The following CLSTN1 variants were observed in gnomAD, a reference collection of about 807,000 sequenced individuals.
CLSTN1 encodes calsyntenin 1, also known as calsyntenin-1.
A neutral mutation model predicts 108.3 loss-of-function variants in CLSTN1; 28 were observed. That is an observed-to-expected ratio of 0.26 (90% CI 0.19 to 0.35). The LOEUF (loss-of-function observed/expected upper bound fraction) is 0.35. Among genes scored for constraint, CLSTN1 ranks in the 10% least tolerant of loss-of-function variants. The pLI is 1.00. For missense variants in CLSTN1, 1,157 were observed against 1,302.6 expected (o/e 0.89, Z 1.72); for synonymous variants, 524 against 534.9 (o/e 0.98, Z 0.28).
chr1:9,803,783 C>T (rs1055036331), intron 1 of CLSTN1, among the ~76,000 whole-genome samples: 5 of 151,832 alleles, frequency 3.3e-5, no homozygotes, highest in Admixed American at 2.6e-4. Context: ...GCCTGGGCAA[C>T]AGAGCAAGAC....
At position 9,751,463 on chromosome 1, in the gene CLSTN1, C is replaced by T. The variant is rs774745109; in HGVS notation, c.649+10G>A. On this transcript the variant is annotated intron_variant, in intron 5 of 18. Transcript: ENST00000377298. ...CTACCTAGCTGAAAAGCCGGCTCCTCGATTCTTACCATCTTTGTCAACAGT... is the reference window on the plus strand; with the variant it reads ...CTACCTAGCTGAAAAGCCGGCTCCTTGATTCTTACCATCTTTGTCAACAGT... 1.7e-5 allele frequency: 28 copies of T among 1,613,744 alleles called. No homozygotes were observed. Among genetic ancestry groups the T allele is most frequent in the Non-Finnish European group, 2.2e-5 (26 of 1,179,740 alleles).
intron 1 of CLSTN1, among the ~76,000 whole-genome samples, chr1:9,797,928 T>TA (rs1392075501): frequency 4.6e-5 from 7 of 151,512 alleles, no homozygotes; most frequent in Non-Finnish European, 1.0e-4. Context: ...ACCTCATCTT[T>TA]ACTAAAAATC....
At position 9,743,830 on chromosome 1, in the gene CLSTN1, T is replaced by C. The variant is rs929450806; in HGVS notation, c.1356+54A>G. 1.1e-5 allele frequency: 17 copies of C among 1,602,602 alleles called. No individual in the cohort carries two copies. The African/African-American group carries it at 1.7e-4, about 16-fold the overall frequency. Reference sequence around the variant, plus strand: ...GCCCCAGCCTCCCAAAGTGCTGGGATTATAGGTGTGAGCACCTTGCCCGGC... The same window carrying C: ...GCCCCAGCCTCCCAAAGTGCTGGGACTATAGGTGTGAGCACCTTGCCCGGC... On this transcript the variant is annotated intron_variant, in intron 9 of 18. Coordinates refer to ENST00000377298, the MANE Select transcript of CLSTN1 (RefSeq NM_001009566.3).
chr1:9,821,177 G>A (rs573008289), intron 1 of CLSTN1, among the ~76,000 whole-genome samples: 2 of 152,280 alleles, frequency 1.3e-5, no homozygotes, highest in African/African-American at 4.8e-5. Context: ...TTGTCACCCA[G>A]GCTGGAGTGC....
chr1:9,783,196 G>A (rs1209872409), intron 1 of CLSTN1, among the ~76,000 whole-genome samples: 1 of 152,184 alleles, frequency 6.6e-6, no homozygotes, highest in African/African-American at 2.4e-5. Context: ...CACTTACAGT[G>A]GCTCAACTTA....
chr1:9,800,601 G>A (rs762166241), intron 1 of CLSTN1, among the ~76,000 whole-genome samples: 8 of 149,950 alleles, frequency 5.3e-5, no homozygotes, highest in Non-Finnish European at 1.0e-4. Context: ...GTGGTGGCAG[G>A]CGCCTGTAGT....
intron 2 of CLSTN1, among the ~76,000 whole-genome samples, chr1:9,761,992 G>A (rs1652096106): frequency 6.6e-6 from 1 of 152,220 alleles, no homozygotes; most frequent in Admixed American, 6.5e-5. Flanking sequence ...CAGTCCCACT[G>A]CAGAACAGCC....
At chr1:9,815,366 A>T (rs1176166184) in intron 1 of CLSTN1, among the ~76,000 whole-genome samples, 1 of 152,232 alleles carries the variant, frequency 6.6e-6, no homozygotes, top group Non-Finnish European at 1.5e-5. Flanking sequence ...AAGGCTATTT[A>T]AAGTATAGAG....
chr1:9,806,262 G>A (rs985685986), intron 1 of CLSTN1, among the ~76,000 whole-genome samples: 10 of 151,972 alleles, frequency 6.6e-5, no homozygotes, highest in South Asian at 2.1e-4. Flanking sequence ...CTGAGATCAC[G>A]CCACTTCACT....
chr1:9,788,414 T>C (rs1006398115), intron 1 of CLSTN1, among the ~76,000 whole-genome samples: 3 of 149,792 alleles, frequency 2.0e-5, no homozygotes, highest in Non-Finnish European at 3.0e-5. Flanking sequence ...CTACTAAAAA[T>C]ACAAAAATTA....
chr1:9,735,336 C>G (rs1570434006), intron 13 of CLSTN1, 131 bp downstream of exon 13: 4 of 1,421,878 alleles, frequency 2.8e-6, no homozygotes, highest in South Asian at 2.5e-5. Context: ...TCACTCAGCT[C>G]TCTGCCCCAC....
At chr1:9,742,551 C>CTA (rs1651036232) in intron 9 of CLSTN1, among the ~76,000 whole-genome samples, 1 of 152,136 alleles carries the variant, frequency 6.6e-6, no homozygotes. Flanking sequence ...ACTATGGCTA[C>CTA]TATAACAGAA....
At chr1:9,794,168 G>A (rs1430539775) in intron 1 of CLSTN1, among the ~76,000 whole-genome samples, 1 of 151,406 alleles carries the variant, frequency 6.6e-6, no homozygotes, top group East Asian at 2.0e-4. Context: ...GCTGGTGGAG[G>A]AACACGTTTT....
At position 9,735,459 on chromosome 1, in the gene CLSTN1, G is replaced by C; in HGVS notation, c.1883+8C>G. 2 of 1,614,228 alleles carry C rather than the reference G, an allele frequency of 1.2e-6. No individual in the cohort carries two copies. Among genetic ancestry groups the C allele is most frequent in the Non-Finnish European group, 1.7e-6 (2 of 1,180,050 alleles). Reference sequence around the variant, plus strand: ...AAAACAGGCCGGCTGTTAAAAATCAGGACGTACTTGATTGTGCTGGTGATT... The same window carrying C: ...AAAACAGGCCGGCTGTTAAAAATCACGACGTACTTGATTGTGCTGGTGATT... On this transcript the variant is annotated splice_region_variant and intron_variant, in intron 13 of 18. Coordinates refer to ENST00000377298, the MANE Select transcript of CLSTN1 (RefSeq NM_001009566.3).
chr1:9,774,538 A>C (rs560583061), intron 1 of CLSTN1, among the ~76,000 whole-genome samples: 1 of 151,870 alleles, frequency 6.6e-6, no homozygotes, highest in South Asian at 2.1e-4. Context: ...CGCACTCCAG[A>C]CTGGGCGACA....
chr1:9,820,858 G>A (rs534323697), intron 1 of CLSTN1, among the ~76,000 whole-genome samples: 1 of 152,294 alleles, frequency 6.6e-6, no homozygotes, highest in South Asian at 2.1e-4. Context: ...GTGTTGCAGG[G>A]AAACAGGATT....
intron 9 of CLSTN1, among the ~76,000 whole-genome samples, chr1:9,741,703 A>G (rs10864437): frequency 0.23 from 35,711 of 152,150 alleles, 7,374 homozygotes; most frequent in African/African-American, 0.55. Flanking sequence ...CTTGAGGTCA[A>G]GAGTTTGAGA....
intron 2 of CLSTN1, among the ~76,000 whole-genome samples, chr1:9,760,450 T>C (rs963753117): frequency 2.0e-5 from 3 of 152,218 alleles, no homozygotes; most frequent in African/African-American, 4.8e-5. Context: ...CATTTGTGCA[T>C]TCAACCTAAA....
chr1:9,755,063 C>T, intron 4 of CLSTN1, 51 bp downstream of exon 4: 4 of 1,525,882 alleles, frequency 2.6e-6, no homozygotes, highest in Non-Finnish European at 3.6e-6. Flanking sequence ...TCGTTCTGCG[C>T]ACACACGTTT....
Sources: gnomAD v4.1 joint callset for allele counts (sites outside exome capture counted in the v4.1 genomes callset) on GRCh38, gnomAD v4.1.1 for gene constraint, MANE v1.5 for transcripts, NCBI Gene and HGNC (gene_info 2026-07-23, HGNC 2026-07-21) for gene names.